C3: variants seen among roughly 807,000 people sequenced by gnomAD.
C3 encodes the protein complement C3.
In C3, 97 loss-of-function variants were observed where a neutral mutation model predicts 207.9. The observed-to-expected ratio is 0.47, with a 90% CI of 0.40 to 0.55. The LOEUF is 0.55. Ranked by LOEUF, C3 falls within the 20% of genes least tolerant of loss-of-function variation. The probability of loss-of-function intolerance (pLI) is 0.00; values close to 1 mark genes in which losing one functional copy is unlikely to be tolerated. For missense variants in C3, 1,684 were observed against 2,171.7 expected, an observed-to-expected ratio of 0.78 and a Z score of 4.46; for synonymous variants, 848 against 857.6, an observed-to-expected ratio of 0.99 and a Z score of 0.20.
Position 6,678,140 on chromosome 19 carries a change from G to T in C3, c.4850+12C>A, listed in dbSNP as rs748416799. 9.3e-6 allele frequency: 15 copies of T among 1,614,078 alleles called. No homozygotes were observed. Among genetic ancestry groups the T allele is most frequent in the Non-Finnish European group, 1.3e-5 (15 of 1,180,034 alleles). On this transcript the variant is annotated intron_variant, in intron 40 of 40. Transcript: ENST00000245907. ...TCGGGCGGTCGCGCGCACGCGCAGGGAAAGCACTCACTTGGGCTTCTCTCC... is the reference window on the plus strand; with the variant it reads ...TCGGGCGGTCGCGCGCACGCGCAGGTAAAGCACTCACTTGGGCTTCTCTCC...
At chr19:6,696,870 T>C (rs1443795862) in intron 21 of C3, among the ~76,000 whole-genome samples, 2 of 150,972 alleles carry the variant, frequency 1.3e-5, no homozygotes, top group African/African-American at 4.9e-5. Context: ...TGAAACCCTG[T>C]CTCTACTAAA....
At position 6,701,211 on chromosome 19, in the gene C3, C is replaced by T. The variant is rs370907354; in HGVS notation, c.2440+916G>A. Among the ~76,000 whole-genome samples the T allele has an allele frequency of 4.6e-5, 7 of 152,014 alleles. No individual in the cohort carries two copies. In the East Asian group the frequency reaches 9.6e-4, roughly 21 times the overall value. On this transcript the variant is annotated intron_variant, in intron 19 of 40. Transcript: ENST00000245907. Reference sequence around the variant, plus strand: ...AAATAACTTTGCTAGGGATTTTCCCCGATGATGAGCATGTGCACTGCTCCG... The same window carrying T: ...AAATAACTTTGCTAGGGATTTTCCCTGATGATGAGCATGTGCACTGCTCCG...
intron 27 of C3, among the ~76,000 whole-genome samples, chr19:6,690,093 A>G (rs1433651783): frequency 6.6e-6 from 1 of 152,196 alleles, no homozygotes; most frequent in Admixed American, 6.6e-5. Context: ...CCAGAGGAAA[A>G]AGAGACAGTG....
At chr19:6,713,687 A>AG (rs1967968912) in intron 7 of C3, 178 bp from the exon 8 acceptor site, 1 of 141,460 alleles carries the variant, frequency 7.1e-6, no homozygotes, top group African/African-American at 1.5e-4. Flanking sequence ...CCCCACTCCC[A>AG]CCCCCCACAT....
chr19:6,709,500 T>C (rs1022986239), intron 14 of C3, among the ~76,000 whole-genome samples, 184 bp downstream of exon 14: 3 of 151,952 alleles, frequency 2.0e-5, no homozygotes, highest in Non-Finnish European at 2.9e-5. Context: ...CCATCCCCAA[T>C]TGGAACCCAT....
At position 6,679,470 on chromosome 19, in the gene C3, G is replaced by A; in HGVS notation, c.4483C>T (p.Pro1495Ser). Residue 1495 changes from proline to serine, a missense_variant, in exon 37 of 41, where the codon CCG becomes TCG. Pro to Ser is a moderately conservative substitution (Grantham distance 74, BLOSUM62 -1). Around this residue, in one of 3 missense-constraint regions of C3, gnomAD observed 346 missense variants for 380.1 expected, o/e 0.91. Transcript: ENST00000245907. ...TTCAGCTTTCCATCCTCCTTTTCCGGATGGTAGAACCGGGTACAGCTTTCC... is the reference window on the plus strand; with the variant it reads ...TTCAGCTTTCCATCCTCCTTTTCCGAATGGTAGAACCGGGTACAGCTTTCC... ...LEESCTRFYHPEKEDGKLNKL... is the reference protein window; with the variant it reads ...LEESCTRFYHSEKEDGKLNKL... The A allele has an allele frequency of 3.7e-6, 6 of 1,613,660 alleles. No individual in the cohort carries two copies. Among genetic ancestry groups the A allele is most frequent in the Non-Finnish European group, 5.1e-6 (6 of 1,179,566 alleles).
chr19:6,690,461 A>T (rs535764713), intron 27 of C3, among the ~76,000 whole-genome samples, 168 bp downstream of exon 27: 14 of 152,372 alleles, frequency 9.2e-5, no homozygotes, highest in African/African-American at 3.1e-4. Flanking sequence ...GGTCTGTATT[A>T]GATGAGTTAA....
In C3 at chr19:6,686,733, G is replaced by A; in HGVS notation, c.3646+13C>T. ...CCATGCATCTCCCTTCACCCCTCCA[G>A]GCCAACCCTCACCTTTGGCTGTGGT... is the stretch of plus-strand genomic sequence containing the variant. On this transcript the variant is annotated intron_variant, in intron 28 of 40. Coordinates refer to ENST00000245907, the MANE Select transcript of C3 (RefSeq NM_000064.4). The A allele has an allele frequency of 8.1e-6, 13 of 1,612,962 alleles. No individual in the cohort carries two copies. Among genetic ancestry groups the A allele is most frequent in the Non-Finnish European group, 1.1e-5 (13 of 1,179,912 alleles).
chr19:6,718,007 C>T (rs1475024832), intron 4 of C3, 87 bp downstream of exon 4: 3 of 1,309,166 alleles, frequency 2.3e-6, no homozygotes, highest in Non-Finnish European at 2.2e-6. Flanking sequence ...GCACCCCTTC[C>T]GGTGTGTCTT....
At position 6,702,311 on chromosome 19, in the gene C3, G is replaced by A. The variant is rs932481778; in HGVS notation, c.2355-99C>T. 5.9e-5 allele frequency: 57 copies of A among 965,940 alleles called. No homozygotes were observed. The South Asian group carries it at 6.0e-4, about 10-fold the overall frequency. 59.8% of individuals were successfully genotyped at this position (965,940 alleles called of 1,614,324 possible). A position where few individuals can be genotyped will look rare whatever the true frequency, so the allele number is the denominator to read the frequency against. Reference sequence around the variant, plus strand: ...GGGACCCCAAGGGACAGGCTGGAAGGGTCTGGGGGTGCCTCCATGTAGGTC... The same window carrying A: ...GGGACCCCAAGGGACAGGCTGGAAGAGTCTGGGGGTGCCTCCATGTAGGTC... On this transcript the variant is annotated intron_variant, in intron 18 of 40. Transcript: ENST00000245907.
chr19:6,706,631 T>TC (rs1967778830), intron 17 of C3, among the ~76,000 whole-genome samples: 1 of 113,828 alleles, frequency 8.8e-6, no homozygotes. Context: ...AGCGGCATCC[T>TC]CCCCCCTCAG....
chr19:6,715,352 T>G (rs1019383651), intron 4 of C3, among the ~76,000 whole-genome samples: 6 of 151,916 alleles, frequency 3.9e-5, no homozygotes, highest in Non-Finnish European at 7.4e-5. Flanking sequence ...GGCGCACGTC[T>G]GTGGTCCCAG....
intron 24 of C3, among the ~76,000 whole-genome samples, chr19:6,694,151 G>C (rs1918245180): frequency 1.0e-5 from 1 of 99,156 alleles, no homozygotes; most frequent in African/African-American, 3.8e-5. Context: ...GGAGGAGTCA[G>C]GGCCTCAGAG....
At chr19:6,716,175 T>A (rs138859404) in intron 4 of C3, among the ~76,000 whole-genome samples, 20 of 152,278 alleles carry the variant, frequency 1.3e-4, no homozygotes, top group African/African-American at 4.6e-4. Flanking sequence ...TCTTCCCACC[T>A]CTGCCTCCCG....
rs1238902793 is a variant in C3 at position 6,720,534 on chromosome 19, A to G, written c.56T>C (p.Leu19Pro). 2 of 1,593,358 alleles carry G rather than the reference A, an allele frequency of 1.3e-6. No individual in the cohort carries two copies. Among genetic ancestry groups the G allele is most frequent in the Non-Finnish European group, 1.7e-6 (2 of 1,169,518 alleles). The change falls in exon 1 of 41, where the codon CTG (leucine) becomes CCG (proline). Residue 19 changes from leucine (L) to proline (P), a missense_variant. Physicochemically the swap from Leu to Pro is moderately conservative, Grantham distance 98. Coordinates refer to ENST00000245907, the MANE Select transcript of C3 (RefSeq NM_000064.4). ...CACTCACATGGGACTCCCCAGAGCC[A>G]GGGGGAGGTGGGTTAGTAGCAGGAG... Reference protein sequence around the residue: ...LLLLLLTHLPLALGSPMYSII... With the variant: ...LLLLLLTHLPPALGSPMYSII...
At chr19:6,684,671 A>T (rs758109703) in intron 31 of C3, 21 bp from the exon 32 acceptor site, 3 of 1,607,394 alleles carry the variant, frequency 1.9e-6, no homozygotes, top group Non-Finnish European at 2.6e-6. Context: ...GGGAGAGGAG[A>T]CACAATGTCA....
rs1568213491 is a variant in C3, at chr19:6,689,344, C to CT, written c.3489+1284_3489+1285insA. On this transcript the variant is annotated intron_variant, in intron 27 of 40. Transcript: ENST00000245907. ...CTCTACCTACCTCCCTCCCTCCCTCCCTCCCTCCCTCCCTCCCTCTCTCTC... is the reference window on the plus strand; with the variant it reads ...CTCTACCTACCTCCCTCCCTCCCTCCTCTCCCTCCCTCCCTCCCTCTCTCTC... Among the ~76,000 whole-genome samples, 26 of 55,548 alleles carry CT rather than the reference C, an allele frequency of 4.7e-4. 2 individuals are homozygous for CT. The highest frequency in any genetic ancestry group is 2.3e-3 in the African/African-American group (24 of 10,312). The allele number at this position is 55,548 out of a possible 152,430, so 36.4% of individuals were successfully genotyped here.
intron 19 of C3, among the ~76,000 whole-genome samples, chr19:6,699,452 C>G (rs1266750133): frequency 6.6e-6 from 1 of 152,084 alleles, no homozygotes; most frequent in Non-Finnish European, 1.5e-5. Context: ...AACCTAGCAT[C>G]CTGCGCTGGG....
chr19:6,716,908 G>T (rs895773774), intron 4 of C3: 1 of 152,258 alleles, frequency 6.6e-6, no homozygotes, highest in African/African-American at 2.4e-5. Context: ...TTTGAGCAAA[G>T]ACTTAAAGGA....
Sources: gnomAD v4.1 joint callset for allele counts (sites outside exome capture counted in the v4.1 genomes callset) on GRCh38, gnomAD v4.1.1 for gene constraint, gnomAD v4.1.1 regional missense constraint, MANE v1.5 for transcripts, NCBI Gene and HGNC (gene_info 2026-07-23, HGNC 2026-07-21) for gene names.